The following SERPINI1 variants were observed in gnomAD, a reference collection of about 807,000 sequenced individuals.
SERPINI1 encodes the protein serpin family I member 1, also known as neuroserpin.
A neutral mutation model predicts 41.1 loss-of-function variants in SERPINI1; 19 were observed. The observed-to-expected ratio is 0.46, with a 90% confidence interval of 0.32 to 0.68. The LOEUF (loss-of-function observed/expected upper bound fraction) is 0.68, where lower values mean the gene tolerates loss of function less well. Ranked by LOEUF, SERPINI1 falls within the 30% of genes least tolerant of loss-of-function variation. The probability of loss-of-function intolerance (pLI) is 0.03; values close to 1 mark genes in which losing one functional copy is unlikely to be tolerated. For synonymous variants in SERPINI1, 138 were observed against 156.6 expected (o/e 0.88, Z 0.89); for missense variants, 460 against 479.2 (o/e 0.96, Z 0.37).
intron 6 of SERPINI1, among the ~76,000 whole-genome samples, chr3:167,818,922 C>G (rs1712220401): frequency 6.6e-6 from 1 of 152,058 alleles, no homozygotes; most frequent in Non-Finnish European, 1.5e-5. Flanking sequence ...TGAGGAGAAC[C>G]CCTTTTAGAA....
chr3:167,790,724 T>C (rs1727478397), intron 3 of SERPINI1, 122 bp downstream of exon 3: 1 of 726,412 alleles, frequency 1.4e-6, no homozygotes, highest in Non-Finnish European at 2.4e-6. Context: ...GTTGGGTATC[T>C]AATAATTATT....
In SERPINI1 at chr3:167,790,481, C is replaced by T. The variant is rs1021903415; in HGVS notation, c.360C>T (p.Val120=). The T allele has an allele frequency of 1.2e-6, 2 of 1,613,716 alleles. No individual in the cohort carries two copies. The highest frequency in any genetic ancestry group is 2.7e-5 in the African/African-American group (2 of 74,890). ...TGTTTGTGCAAAATGGATTTCATGT[C>T]AATGAGGAGTTTTTGCAAATGATGA... ...NSLFVQNGFH[V]NEEFLQMMKK... is the part of the protein sequence containing the mutation. Residue 120 remains valine (V), a synonymous_variant, in exon 3 of 9, where the codon GTC becomes GTT. Coordinates refer to ENST00000446050, the MANE Select transcript of SERPINI1 (RefSeq NM_001122752.2).
chr3:167,743,993 A>C (rs1364410516), intron 1 of SERPINI1, among the ~76,000 whole-genome samples: 1 of 152,092 alleles, frequency 6.6e-6, no homozygotes, highest in East Asian at 1.9e-4. Flanking sequence ...CATCTTATTA[A>C]GGCTGCCTTC....
chr3:167,795,526 A>G (rs777940752), intron 5 of SERPINI1, among the ~76,000 whole-genome samples: 1 of 152,106 alleles, frequency 6.6e-6, no homozygotes, highest in Admixed American at 6.6e-5. Context: ...GCATTGGCCT[A>G]AACTGCCCTC....
At chr3:167,762,254 C>T (rs1029397277) in intron 1 of SERPINI1, among the ~76,000 whole-genome samples, 1 of 151,838 alleles carries the variant, frequency 6.6e-6, no homozygotes, top group African/African-American at 2.4e-5. Context: ...AGACTTCATT[C>T]CCTCTCCTCT....
At chr3:167,788,998 G>T in intron 1 of SERPINI1, 113 bp from the exon 2 acceptor site, 1 of 987,618 alleles carries the variant, frequency 1.0e-6, no homozygotes, top group Non-Finnish European at 1.5e-6. Context: ...AGTGTTATTT[G>T]TTCATTTAAC....
chr3:167,816,576 C>A (rs940596832), intron 6 of SERPINI1, among the ~76,000 whole-genome samples: 3 of 152,134 alleles, frequency 2.0e-5, no homozygotes, highest in African/African-American at 7.2e-5. Flanking sequence ...ATTCTTTAGA[C>A]CCTGCTATAT....
intron 1 of SERPINI1, among the ~76,000 whole-genome samples, chr3:167,767,061 G>T (rs1056297766): frequency 6.6e-6 from 1 of 152,202 alleles, no homozygotes; most frequent in African/African-American, 2.4e-5. Flanking sequence ...TGCCATCTAG[G>T]ACTTTCATAG....
intron 1 of SERPINI1, among the ~76,000 whole-genome samples, chr3:167,758,944 A>G (rs1295350472): frequency 6.6e-6 from 1 of 152,216 alleles, no homozygotes; most frequent in African/African-American, 2.4e-5. Context: ...AAAGGTTATA[A>G]CACTCTCTTA....
At chr3:167,764,604 C>T (rs934352150) in intron 1 of SERPINI1, among the ~76,000 whole-genome samples, 1 of 152,122 alleles carries the variant, frequency 6.6e-6, no homozygotes, top group Non-Finnish European at 1.5e-5. Context: ...ACTTCTGGCT[C>T]CTCCCAAATC....
Position 167,790,610 on chromosome 3 carries a change from A to C in SERPINI1, c.481+8A>C. 1.3e-6 allele frequency: 2 copies of C among 1,597,902 alleles called. No individual in the cohort carries two copies. The highest frequency in any genetic ancestry group is 2.2e-5 in the South Asian group (2 of 90,592). On this transcript the variant is annotated splice_region_variant and intron_variant, in intron 3 of 8. Coordinates refer to ENST00000446050, the MANE Select transcript of SERPINI1 (RefSeq NM_001122752.2). Reference sequence around the variant, plus strand: ...TGGAGAATAACACAAACAGTATGTCACTTGGTTCCTTTCTTCCTCTAGTAG... The same window carrying C: ...TGGAGAATAACACAAACAGTATGTCCCTTGGTTCCTTTCTTCCTCTAGTAG...
chr3:167,822,929 C>A (rs1712386566), intron 6 of SERPINI1, 57 bp from the exon 7 acceptor site: 2 of 964,304 alleles, frequency 2.1e-6, no homozygotes, highest in Admixed American at 1.7e-5. Flanking sequence ...AACAAAAGGG[C>A]AAAATATTTT....
intron 1 of SERPINI1, among the ~76,000 whole-genome samples, chr3:167,739,190 C>T (rs771088274): frequency 6.0e-5 from 9 of 149,244 alleles, no homozygotes; most frequent in Non-Finnish European, 1.2e-4. Flanking sequence ...TAAGTAACTA[C>T]GTTATTAACT....
At chr3:167,784,381 T>A (rs62279564) in intron 1 of SERPINI1, among the ~76,000 whole-genome samples, 19,194 of 152,186 alleles carry the variant, frequency 0.13, 1,450 homozygotes, top group African/African-American at 0.21. Context: ...TAAATTTTGA[T>A]AACCTCATGG....
At chr3:167,775,069 A>T (rs1201851603) in intron 1 of SERPINI1, among the ~76,000 whole-genome samples, 1 of 151,994 alleles carries the variant, frequency 6.6e-6, no homozygotes, top group Non-Finnish European at 1.5e-5. Flanking sequence ...ATATTATAAT[A>T]ACATGTTTCC....
intron 1 of SERPINI1, among the ~76,000 whole-genome samples, chr3:167,754,428 G>A (rs1009639299): frequency 6.6e-6 from 1 of 152,194 alleles, no homozygotes; most frequent in Admixed American, 6.5e-5. Context: ...GCAACTTTAA[G>A]TGTCCTACTT....
At chr3:167,792,515 A>G (rs2108558403) in intron 3 of SERPINI1, 75 bp from the exon 4 acceptor site, 3 of 1,250,764 alleles carry the variant, frequency 2.4e-6, no homozygotes, top group Non-Finnish European at 3.4e-6. Context: ...TCAGATGGTG[A>G]TTTGAAAATC....
chr3:167,798,616 A>C (rs1282956876), intron 5 of SERPINI1, among the ~76,000 whole-genome samples: 1 of 152,146 alleles, frequency 6.6e-6, no homozygotes, highest in African/African-American at 2.4e-5. Flanking sequence ...ATCCACAGAG[A>C]GATATTACTC....
intron 1 of SERPINI1, among the ~76,000 whole-genome samples, chr3:167,773,765 A>G (rs1369535472): frequency 1.3e-5 from 2 of 152,188 alleles, no homozygotes; most frequent in Admixed American, 6.5e-5. Flanking sequence ...GTGTTAGTCA[A>G]TGTCAGGGAA....
Sources: gnomAD v4.1 joint callset for allele counts (sites outside exome capture counted in the v4.1 genomes callset) on GRCh38, gnomAD v4.1.1 for gene constraint, MANE v1.5 for transcripts, NCBI Gene and HGNC (gene_info 2026-07-23, HGNC 2026-07-21) for gene names.